Variants in TALDO1 observed in about 807,000 individuals in gnomAD.
TALDO1 encodes transaldolase 1, also known as transaldolase.
A neutral mutation model predicts 38.1 loss-of-function variants in TALDO1; 29 were observed. The observed-to-expected ratio is 0.76, with a 90% CI of 0.57 to 1.04. The LOEUF (loss-of-function observed/expected upper bound fraction) is 1.04. TALDO1 is among the 50% of genes least tolerant of loss of function. TALDO1 has a pLI of 0.00. For synonymous variants in TALDO1, 207 were observed against 176.8 expected (o/e 1.17, Z -1.36); for missense variants, 499 against 438.1 (o/e 1.14, Z -1.24).
At chr11:763,267 TC>T (rs1436153650) in intron 4 of TALDO1, 76 bp from the exon 5 acceptor site, 2 of 142,490 alleles carry the variant, frequency 1.4e-5, no homozygotes, top group African/African-American at 1.3e-4. Context: ...GCCCTCACCG[TC>T]CCCGCCCTCA....
chr11:751,960 A>G (rs1862758949), intron 1 of TALDO1, among the ~76,000 whole-genome samples: 1 of 152,150 alleles, frequency 6.6e-6, no homozygotes, highest in Admixed American at 6.6e-5. Context: ...GGAAAACAGA[A>G]TTTCCATCAC....
At chr11:755,805 C>G (rs1055278606) in intron 1 of TALDO1, 74 bp from the exon 2 acceptor site, 1 of 1,610,608 alleles carries the variant, frequency 6.2e-7, no homozygotes, top group African/African-American at 1.3e-5. Flanking sequence ...TGGGGAATTA[C>G]AGGGTTCCTT....
At chr11:750,302 T>G (rs944116298) in intron 1 of TALDO1, among the ~76,000 whole-genome samples, 1 of 151,798 alleles carries the variant, frequency 6.6e-6, no homozygotes, top group Non-Finnish European at 1.5e-5. Context: ...CTGCGCAACA[T>G]GGTAAAACCC....
intron 1 of TALDO1, among the ~76,000 whole-genome samples, chr11:750,302 T>A (rs944116298): frequency 4.0e-5 from 6 of 151,798 alleles, no homozygotes; most frequent in Non-Finnish European, 7.4e-5. Flanking sequence ...CTGCGCAACA[T>A]GGTAAAACCC....
At chr11:764,222 G>A in intron 6 of TALDO1, 66 bp from the exon 7 acceptor site, 3 of 1,612,640 alleles carry the variant, frequency 1.9e-6, no homozygotes, top group Non-Finnish European at 2.5e-6. Flanking sequence ...TTCAGGCCCT[G>A]AGCCCAAGGG....
Position 747,488 on chromosome 11 carries a change from A to C in TALDO1, c.7A>C (p.Ser3Arg), listed in dbSNP as rs754266881. The change falls in exon 1 of 8, where the codon AGC becomes CGC. Residue 3 changes from serine (S) to arginine (R), a missense_variant. By Grantham distance (110) the Ser-to-Arg change is moderately radical. Coordinates refer to ENST00000319006, the MANE Select transcript of TALDO1 (RefSeq NM_006755.2). ...CAGACCCCTCGGTCTTGCTATGTCG[A>C]GCTCACCCGTGAAGCGTCAGAGGAT... MS[S>R]SPVKRQRMES... 8 of 1,596,884 alleles carry C rather than the reference A, an allele frequency of 5.0e-6. No individual in the cohort carries two copies. The highest frequency in any genetic ancestry group is 6.8e-6 in the Non-Finnish European group (8 of 1,173,454).
intron 7 of TALDO1, 124 bp from the exon 8 acceptor site, chr11:764,689 C>A: frequency 6.7e-7 from 1 of 1,495,282 alleles, no homozygotes; most frequent in Non-Finnish European, 9.3e-7. Flanking sequence ...CACCCTGTGG[C>A]CGTGGCCCCC....
chr11:758,608 C>CT (rs925451883), intron 2 of TALDO1, among the ~76,000 whole-genome samples: 120 of 145,420 alleles, frequency 8.3e-4, no homozygotes, highest in African/African-American at 1.2e-3. Context: ...TCAGAAGCTT[C>CT]TTTTTTTTTT....
At chr11:756,278 C>A in intron 2 of TALDO1, 1 of 464,890 alleles carries the variant, frequency 2.2e-6, no homozygotes, top group Non-Finnish European at 4.0e-6. Context: ...CCCCACAGGC[C>A]CCTCCTCCCC....
intron 1 of TALDO1, among the ~76,000 whole-genome samples, chr11:748,616 C>A (rs1414738389): frequency 6.6e-6 from 1 of 152,192 alleles, no homozygotes; most frequent in African/African-American, 2.4e-5. Context: ...GAGAAACAGG[C>A]TTTAATTCCT....
rs555623617 is a variant in TALDO1 at position 757,289 on chromosome 11, A to ATT, written c.221+1307_221+1308dup. On this transcript the variant is annotated intron_variant, in intron 2 of 7. Transcript: ENST00000319006. ...TGCACCCATGTCCAGATGGCCCCAA[A>ATT]TTTTTTTTTTTTTTTTTTTTTGAGA... Among the ~76,000 whole-genome samples the ATT allele has an allele frequency of 6.4e-3, 866 of 135,564 alleles. 15 individuals are homozygous for ATT. The highest frequency in any genetic ancestry group is 0.023 in the African/African-American group (793 of 34,912). The allele number at this position is 135,564 out of a possible 152,430, so 88.9% of individuals were successfully genotyped here.
chr11:751,463 A>T (rs1239556149), intron 1 of TALDO1, among the ~76,000 whole-genome samples: 1 of 152,134 alleles, frequency 6.6e-6, no homozygotes. Context: ...TGGGCCTAGC[A>T]GTTCGGGACC....
chr11:756,808 G>A (rs766179152), intron 2 of TALDO1, among the ~76,000 whole-genome samples: 15 of 152,052 alleles, frequency 9.9e-5, no homozygotes, highest in Admixed American at 2.0e-4. Context: ...GTGAGCCACC[G>A]TGCCTGGCTT....
intron 2 of TALDO1, among the ~76,000 whole-genome samples, chr11:757,104 G>A (rs1395444090): frequency 6.6e-6 from 1 of 152,130 alleles, no homozygotes; most frequent in African/African-American, 2.4e-5. Context: ...TGTTGTGACA[G>A]CCACTCTGGA....
Position 764,797 on chromosome 11 carries a change from C to T in TALDO1, c.982-16C>T. ...GTAGGGTGGGGAGACACAGCTCGTG[C>T]TCTGTTTGTTTCTAGGAACGAATGT... On this transcript the variant is annotated splice_polypyrimidine_tract_variant and intron_variant, in intron 7 of 7. Coordinates refer to ENST00000319006, the MANE Select transcript of TALDO1 (RefSeq NM_006755.2). 6.2e-7 allele frequency: 1 copy of T among 1,614,120 alleles called. No homozygotes were observed. Among genetic ancestry groups the T allele is most frequent in the Non-Finnish European group, 8.5e-7 (1 of 1,180,000 alleles).
At chr11:747,801 G>T (rs1862686859) in intron 1 of TALDO1, among the ~76,000 whole-genome samples, 2 of 152,022 alleles carry the variant, frequency 1.3e-5, no homozygotes, top group South Asian at 4.2e-4. Flanking sequence ...AGCGGCGACC[G>T]TGAGGGGAAC....
intron 2 of TALDO1, among the ~76,000 whole-genome samples, chr11:757,243 G>C (rs1011098879): frequency 1.3e-5 from 2 of 151,932 alleles, no homozygotes; most frequent in African/African-American, 2.4e-5. Context: ...TTGCTTGGCT[G>C]GGTGATCAAC....
intron 4 of TALDO1, among the ~76,000 whole-genome samples, chr11:762,234 G>A (rs1041100522): frequency 2.0e-5 from 3 of 152,170 alleles, no homozygotes; most frequent in Non-Finnish European, 4.4e-5. Flanking sequence ...AAAGTGTTGG[G>A]ATCACAGGTT....
At chr11:748,205 G>C (rs1459136716) in intron 1 of TALDO1, among the ~76,000 whole-genome samples, 1 of 152,268 alleles carries the variant, frequency 6.6e-6, no homozygotes, top group Non-Finnish European at 1.5e-5. Flanking sequence ...GCTCTGACCA[G>C]AAGCTGCCAG....
Sources: allele counts gnomAD v4.1 joint callset (sites outside exome capture counted in the v4.1 genomes callset), GRCh38; gene constraint gnomAD v4.1.1; transcripts MANE v1.5; gene names NCBI Gene and HGNC (gene_info 2026-07-23, HGNC 2026-07-21).